Variants in SH3D19 observed in about 807,000 individuals in gnomAD.
SH3D19 encodes SH3 domain containing 19, also known as SH3 domain-containing protein 19.
A neutral mutation model predicts 112.1 loss-of-function variants in SH3D19; 58 were observed. The ratio of observed to expected loss-of-function variants is 0.52; its 90% confidence interval spans 0.42 to 0.64. The LOEUF (loss-of-function observed/expected upper bound fraction) is 0.64, where lower values mean the gene tolerates loss of function less well. SH3D19 is among the 30% of genes least tolerant of loss of function. The pLI is 0.00. For missense variants in SH3D19, 1,090 were observed against 1,263.4 expected (o/e 0.86, Z 2.08); for synonymous variants, 391 against 448.5 (o/e 0.87, Z 1.62).
intron 1 of SH3D19, among the ~76,000 whole-genome samples, chr4:151,313,386 A>G (rs1484888123): frequency 6.6e-6 from 1 of 151,498 alleles, no homozygotes; most frequent in African/African-American, 2.4e-5. Context: ...ATTCAAATAG[A>G]AGTCTGCATA....
At chr4:151,298,604 C>G (rs1255697179) in intron 1 of SH3D19, among the ~76,000 whole-genome samples, 1 of 151,880 alleles carries the variant, frequency 6.6e-6, no homozygotes, top group Non-Finnish European at 1.5e-5. Flanking sequence ...AATAGGCAGT[C>G]TAGAGTTCAG....
At chr4:151,221,413 C>T (rs1346818157) in intron 2 of SH3D19, among the ~76,000 whole-genome samples, 4 of 152,212 alleles carry the variant, frequency 2.6e-5, no homozygotes, top group Non-Finnish European at 1.5e-5. Flanking sequence ...GGTAGCCCTG[C>T]TCAGCTGAGG....
chr4:151,300,011 G>A lies in SH3D19; in HGVS notation c.112+25230C>T, dbSNP rs570680329. ...GAGGTCGGGAGTTCGAGACCAGCCTGACCAACACGGAGAAACCCCATGTCT... is the reference window on the plus strand; with the variant it reads ...GAGGTCGGGAGTTCGAGACCAGCCTAACCAACACGGAGAAACCCCATGTCT... On this transcript the variant is annotated intron_variant, in intron 1 of 19. Coordinates refer to ENST00000604030, the MANE Select transcript of SH3D19 (RefSeq NM_001378122.1). Among the ~76,000 whole-genome samples, 147 of 152,224 alleles carry A rather than the reference G, an allele frequency of 9.7e-4. 1 individual carries two copies. The highest frequency in any genetic ancestry group is 3.5e-3 in the African/African-American group (144 of 41,534).
At chr4:151,269,942 G>T (rs952120113) in intron 1 of SH3D19, among the ~76,000 whole-genome samples, 3 of 152,000 alleles carry the variant, frequency 2.0e-5, no homozygotes, top group Non-Finnish European at 2.9e-5. Flanking sequence ...TCCACATCTT[G>T]TCCCACTGGA....
At chr4:151,166,798 G>A (rs1758114465) in intron 7 of SH3D19, among the ~76,000 whole-genome samples, 1 of 152,284 alleles carries the variant, frequency 6.6e-6, no homozygotes. Flanking sequence ...TGCAGGATAC[G>A]TGAAGGGCTG....
rs1469587859 is a variant in SH3D19, at chr4:151,298,210, C to T, written c.112+27031G>A. Among the ~76,000 whole-genome samples the T allele has an allele frequency of 9.5e-5, 9 of 94,370 alleles. No individual in the cohort carries two copies. In the East Asian group the frequency reaches 9.6e-4, roughly 10 times the overall value. 61.9% of individuals were successfully genotyped at this position (94,370 alleles called of 152,430 possible). ...TTTTTTTTTTTTTTTTTTTTTGAGA[C>T]GGAGTCTCGCTCTGTCACCAGGCTG... On this transcript the variant is annotated intron_variant, in intron 1 of 19. Coordinates refer to ENST00000604030, the MANE Select transcript of SH3D19 (RefSeq NM_001378122.1).
At chr4:151,166,692 A>T (rs988900378) in intron 7 of SH3D19, among the ~76,000 whole-genome samples, 1 of 152,154 alleles carries the variant, frequency 6.6e-6, no homozygotes, top group Admixed American at 6.5e-5. Flanking sequence ...TACTCTCTAT[A>T]AAACTATGCA....
intron 1 of SH3D19, among the ~76,000 whole-genome samples, chr4:151,256,694 GTT>G (rs70941490): frequency 1.2e-3 from 158 of 134,274 alleles, no homozygotes; most frequent in Non-Finnish European, 1.8e-3. Context: ...TTGTTTTGTT[GTT>G]TTTTTTTTTT....
intron 1 of SH3D19, among the ~76,000 whole-genome samples, chr4:151,240,112 T>G (rs942289569): frequency 2.7e-5 from 4 of 150,214 alleles, no homozygotes; most frequent in African/African-American, 4.9e-5. Flanking sequence ...CAAAAGAAAT[T>G]TTTTTTAATT....
intron 2 of SH3D19, among the ~76,000 whole-genome samples, chr4:151,208,734 G>A (rs1297885628): frequency 3.4e-5 from 5 of 147,940 alleles, no homozygotes; most frequent in African/African-American, 7.5e-5. Flanking sequence ...CTGGAGTGCA[G>A]TGGCATGATC....
intron 1 of SH3D19, among the ~76,000 whole-genome samples, chr4:151,254,786 T>C (rs1479838873): frequency 6.6e-6 from 1 of 151,562 alleles, no homozygotes; most frequent in East Asian, 1.9e-4. Flanking sequence ...CGCCTTTCTA[T>C]TCCACAAAGC....
At chr4:151,169,162 T>A (rs955625990) in intron 7 of SH3D19, among the ~76,000 whole-genome samples, 2 of 152,212 alleles carry the variant, frequency 1.3e-5, no homozygotes, top group East Asian at 1.9e-4. Context: ...AGCATAGGTA[T>A]AACTTATGAA....
At chr4:151,267,851 C>T (rs1220720710) in intron 1 of SH3D19, among the ~76,000 whole-genome samples, 1 of 152,122 alleles carries the variant, frequency 6.6e-6, no homozygotes, top group South Asian at 2.1e-4. Flanking sequence ...TAGGATGGTG[C>T]TCAGAGAAAG....
At chr4:151,256,948 GCTAGGTTGGT>G (rs1771974301) in intron 1 of SH3D19, among the ~76,000 whole-genome samples, 1 of 151,596 alleles carries the variant, frequency 6.6e-6, no homozygotes, top group African/African-American at 2.4e-5. Context: ...TGCCATTTTG[GCTAGGTTGGT>G]CTCGAATTCG....
chr4:151,253,870 C>A (rs1466562462), intron 1 of SH3D19, among the ~76,000 whole-genome samples: 1 of 152,216 alleles, frequency 6.6e-6, no homozygotes, highest in Non-Finnish European at 1.5e-5. Flanking sequence ...TACCTCTATT[C>A]TAGAAAACGG....
At chr4:151,282,757 C>G (rs777278921) in intron 1 of SH3D19, among the ~76,000 whole-genome samples, 6 of 151,404 alleles carry the variant, frequency 4.0e-5, no homozygotes, top group Admixed American at 6.6e-5. Flanking sequence ...TCAACTCTTT[C>G]CCAGGTTGGA....
At chr4:151,300,757 T>C (rs1728327893) in intron 1 of SH3D19, 1 of 152,066 alleles carries the variant, frequency 6.6e-6, no homozygotes, top group South Asian at 2.1e-4. Flanking sequence ...GTATAGAGAA[T>C]GGATTAGAGA....
chr4:151,224,501 C>T (rs1490455741), intron 2 of SH3D19, among the ~76,000 whole-genome samples: 2 of 152,128 alleles, frequency 1.3e-5, no homozygotes, highest in Non-Finnish European at 2.9e-5. Flanking sequence ...AGTCACATCT[C>T]CCTTATCTTT....
intron 1 of SH3D19, among the ~76,000 whole-genome samples, chr4:151,232,109 G>T (rs1420479311): frequency 1.3e-5 from 2 of 152,168 alleles, no homozygotes; most frequent in African/African-American, 4.8e-5. Context: ...GCTTGAACCC[G>T]GGAGGCGGAG....
Sources: allele counts gnomAD v4.1 joint callset (sites outside exome capture counted in the v4.1 genomes callset), GRCh38; gene constraint gnomAD v4.1.1; transcripts MANE v1.5; gene names NCBI Gene and HGNC (gene_info 2026-07-23, HGNC 2026-07-21).